The following TCL1B variants were observed in gnomAD, a reference collection of about 807,000 sequenced individuals.
TCL1B encodes TCL1 family AKT coactivator B.
Under a neutral mutation model 16.9 loss-of-function variants are expected in TCL1B, and 14 were observed. That is an observed-to-expected ratio of 0.83 (90% CI 0.55 to 1.30). The LOEUF is 1.30. Among genes scored for constraint, TCL1B ranks in the 50% most tolerant of loss-of-function variants. The pLI, the probability that TCL1B is intolerant of heterozygous loss-of-function variation, is 0.00. For missense variants in TCL1B, 166 were observed against 165.2 expected, an observed-to-expected ratio of 1.00 and a Z score of -0.03; for synonymous variants, 79 against 66.6, an observed-to-expected ratio of 1.19 and a Z score of -0.91.
intron 3 of TCL1B, 26 bp from the exon 4 acceptor site, chr14:95,691,905 G>C (rs1277924141): frequency 6.5e-6 from 1 of 152,974 alleles, no homozygotes; most frequent in Non-Finnish European, 1.5e-5. Flanking sequence ...ATAGTTCACT[G>C]ACTGTCTCCT....
rs148257417 is a variant in TCL1B, at chr14:95,690,870, G to A, written c.297G>A (p.Ala99=). Reference sequence around the variant, plus strand: ...ACCCCGGGAGGAAGTACCGAGCAGCGGATTCCAGTTTCTGGGAAATAGCAG... The same window carrying A: ...ACCCCGGGAGGAAGTACCGAGCAGCAGATTCCAGTTTCTGGGAAATAGCAG... ...QLYPGRKYRA[A]DSSFWEIADH... The change falls in exon 2 of 4, where the codon GCG becomes GCA. Residue 99 remains alanine (A), a synonymous_variant. Transcript: ENST00000340722. 2,691 of 1,614,166 alleles carry A rather than the reference G, an allele frequency of 1.7e-3. 2 individuals carry two copies. The highest frequency in any genetic ancestry group is 2.1e-3 in the Non-Finnish European group (2,475 of 1,179,986).
rs753577824 is a variant in TCL1B at position 95,690,787 on chromosome 14, G to A, written c.214G>A (p.Glu72Lys). The change falls in exon 2 of 4, where the codon GAG becomes AAG. Residue 72 changes from glutamate to lysine, a missense_variant. Physicochemically the swap from Glu to Lys is moderately conservative, Grantham distance 56. Transcript: ENST00000340722. ...GTGGCAGATGGCAGTGCATACCCGG[G>A]AGCTACTCTCCTCCGGCCAGATGCC... is the stretch of plus-strand genomic sequence containing the variant. ...HLWQMAVHTR[E>K]LLSSGQMPFS... The A allele has an allele frequency of 1.2e-6, 2 of 1,614,110 alleles. No individual in the cohort carries two copies. The highest frequency in any genetic ancestry group is 3.3e-5 in the Admixed American group (2 of 60,008).
rs1053432353 is a variant in TCL1B at position 95,686,476 on chromosome 14, C to T, written c.9C>T (p.Ser3=). Reference sequence around the variant, plus strand: ...CCGGTTGCAGACTTGCCATGGCCTCCGAAGCTTCTGTGCGTCTAGGGGTGC... The same window carrying T: ...CCGGTTGCAGACTTGCCATGGCCTCTGAAGCTTCTGTGCGTCTAGGGGTGC... MA[S]EASVRLGVPP... is the part of the protein sequence containing the mutation. The change falls in exon 1 of 4, where the codon TCC becomes TCT. Residue 3 remains serine (S), a synonymous_variant. Coordinates refer to ENST00000340722, the MANE Select transcript of TCL1B (RefSeq NM_004918.4). The T allele has an allele frequency of 8.8e-6, 14 of 1,594,868 alleles. No individual in the cohort carries two copies. The highest frequency in any genetic ancestry group is 1.7e-4 in the Middle Eastern group (1 of 5,966).
At chr14:95,689,204 T>A (rs982837863) in intron 1 of TCL1B, 5 of 152,114 alleles carry the variant, frequency 3.3e-5, no homozygotes, top group African/African-American at 1.2e-4. Context: ...GGAGAATGGC[T>A]TGAACCTGGG....
In TCL1B at chr14:95,686,472, C is replaced by T. The variant is rs1885761175; in HGVS notation, c.5C>T (p.Ala2Val). ...GGTCCCGGTTGCAGACTTGCCATGG[C>T]CTCCGAAGCTTCTGTGCGTCTAGGG... is the stretch of plus-strand genomic sequence containing the variant. M[A>V]SEASVRLGVP... Residue 2 changes from alanine to valine, a missense_variant, in exon 1 of 4, where the codon GCC becomes GTC. Physicochemically the swap from Ala to Val is moderately conservative, Grantham distance 64. Transcript: ENST00000340722. 3.8e-6 allele frequency: 6 copies of T among 1,589,948 alleles called. No individual in the cohort carries two copies. The South Asian group carries it at 4.7e-5, about 12-fold the overall frequency.
chr14:95,688,492 C>T (rs1380197909), intron 1 of TCL1B, among the ~76,000 whole-genome samples: 1 of 152,102 alleles, frequency 6.6e-6, no homozygotes, highest in Non-Finnish European at 1.5e-5. Flanking sequence ...TAAAATGGTG[C>T]AGCCACTATG....
chr14:95,691,799 G>C (rs569153144), intron 3 of TCL1B, 132 bp from the exon 4 acceptor site: 3 of 155,994 alleles, frequency 1.9e-5, no homozygotes, highest in Non-Finnish European at 2.9e-5. Flanking sequence ...ATGGGCAGCA[G>C]CTTGGAGCAG....
chr14:95,690,176 A>AT (rs1885849016), intron 1 of TCL1B, among the ~76,000 whole-genome samples: 1 of 152,052 alleles, frequency 6.6e-6, no homozygotes, highest in Non-Finnish European at 1.5e-5. Context: ...CTAATTTTTT[A>AT]TTTTTTGTAG....
intron 1 of TCL1B, among the ~76,000 whole-genome samples, chr14:95,688,432 A>G (rs928742230): frequency 6.6e-6 from 1 of 152,226 alleles, no homozygotes; most frequent in African/African-American, 2.4e-5. Flanking sequence ...TTGTGGAGCA[A>G]ATATTTTAAG....
intron 1 of TCL1B, among the ~76,000 whole-genome samples, chr14:95,688,517 G>A (rs1885808895): frequency 6.6e-6 from 1 of 152,102 alleles, no homozygotes. Flanking sequence ...ACAGGATGAG[G>A]ATTTCTCAAA....
chr14:95,691,880 G>A (rs1396603750), intron 3 of TCL1B, 51 bp from the exon 4 acceptor site: 1 of 153,082 alleles, frequency 6.5e-6, no homozygotes, highest in Admixed American at 6.5e-5. Flanking sequence ...CTTGGATGGG[G>A]TGCCGGGCTC....
At chr14:95,691,022 C>A in intron 2 of TCL1B, 116 bp downstream of exon 2, 2 of 1,305,030 alleles carry the variant, frequency 1.5e-6, no homozygotes, top group Non-Finnish European at 2.1e-6. Flanking sequence ...CTTCCTGTTG[C>A]TCAAGTCTTC....
rs181862107 is a variant in TCL1B, at chr14:95,691,105, G to A, written c.334-163G>A. On this transcript the variant is annotated intron_variant, in intron 2 of 3. Coordinates refer to ENST00000340722, the MANE Select transcript of TCL1B (RefSeq NM_004918.4). ...CATGTGGGATGCAGGCAGAGTGGGT[G>A]AGGGAGGGAGGGTTGCCTTCCCTGG... Among the ~76,000 whole-genome samples, 84 of 152,376 alleles carry A rather than the reference G, an allele frequency of 5.5e-4. No homozygotes were observed. In the East Asian group the frequency reaches 0.01, roughly 19 times the overall value.
chr14:95,689,110 C>T (rs956847282), intron 1 of TCL1B, among the ~76,000 whole-genome samples: 9 of 152,072 alleles, frequency 5.9e-5, no homozygotes, highest in East Asian at 3.9e-4. Context: ...CACGGTGAAA[C>T]CCCGTCTCTA....
At chr14:95,688,668 A>C (rs1743527) in intron 1 of TCL1B, among the ~76,000 whole-genome samples, 141,525 of 152,232 alleles carry the variant, frequency 0.93, 66,260 homozygotes, top group Middle Eastern at 1. Flanking sequence ...TGGCAGCCCC[A>C]GTGTCCATTG....
At chr14:95,691,622 G>A (rs1343002352) in intron 3 of TCL1B, 5 of 283,484 alleles carry the variant, frequency 1.8e-5, no homozygotes, top group Admixed American at 4.7e-5. Context: ...ATTTCACGAC[G>A]AAAAGACAAG....
chr14:95,686,730 A>C, intron 1 of TCL1B, 101 bp downstream of exon 1: 1 of 1,362,152 alleles, frequency 7.3e-7, no homozygotes, highest in Non-Finnish European at 9.8e-7. Context: ...TCTCACCCGC[A>C]CTGGAAAACT....
At position 95,687,430 on chromosome 14, in the gene TCL1B, T is replaced by C. The variant is rs184474433; in HGVS notation, c.162+801T>C. Among the ~76,000 whole-genome samples, 413 of 152,298 alleles carry C rather than the reference T, an allele frequency of 2.7e-3. 6 individuals carry two copies. The highest frequency in any genetic ancestry group is 0.026 in the Admixed American group (396 of 15,300). On this transcript the variant is annotated intron_variant, in intron 1 of 3. Coordinates refer to ENST00000340722, the MANE Select transcript of TCL1B (RefSeq NM_004918.4). ...GAAAATGACCTGGGTAGTAATTACA[T>C]ATAACCTCAGCGCATCCTCTACTAT...
In TCL1B at chr14:95,686,641, G is replaced by A. The variant is rs1056081848; in HGVS notation, c.162+12G>A. 6.3e-7 allele frequency: 1 copy of A among 1,597,486 alleles called. No homozygotes were observed. The highest frequency in any genetic ancestry group is 8.5e-7 in the Non-Finnish European group (1 of 1,172,298). On this transcript the variant is annotated intron_variant, in intron 1 of 3. Coordinates refer to ENST00000340722, the MANE Select transcript of TCL1B (RefSeq NM_004918.4). ...CCCAGGGCAGCAGAGTGAGTCCTGGGCACGAGGGGAGGCTGTGGGGAGGGC... is the reference window on the plus strand; with the variant it reads ...CCCAGGGCAGCAGAGTGAGTCCTGGACACGAGGGGAGGCTGTGGGGAGGGC...
Sources: allele counts gnomAD v4.1 joint callset (sites outside exome capture counted in the v4.1 genomes callset), GRCh38; gene constraint gnomAD v4.1.1; transcripts MANE v1.5; gene names NCBI Gene and HGNC (gene_info 2026-07-23, HGNC 2026-07-21).